The following FHL1 variants were observed in gnomAD, a reference collection of about 807,000 sequenced individuals.
FHL1 encodes four and a half LIM domains protein 1.
Under a neutral mutation model 20.3 loss-of-function variants are expected in FHL1, and 1 was observed. The observed-to-expected ratio is 0.05, with a 90% CI of 0.02 to 0.23. The LOEUF (loss-of-function observed/expected upper bound fraction) is 0.23. Ranked by LOEUF, FHL1 falls within the 10% of genes least tolerant of loss-of-function variation. The pLI, the probability that FHL1 is intolerant of heterozygous loss-of-function variation, is 1.00. For missense variants in FHL1, 177 were observed against 234.0 expected (o/e 0.76, Z 1.59); for synonymous variants, 82 against 88.9 (o/e 0.92, Z 0.44).
intron 2 of FHL1, among the ~76,000 whole-genome samples, chrX:136,171,447 C>A: frequency 9.0e-6 from 1 of 111,306 alleles, no homozygotes; most frequent in South Asian, 3.8e-4. Context: ...TTTTTATTTT[C>A]CCACAGAAGA....
At chrX:136,152,719 CAAAAA>C (rs768022110) in intron 1 of FHL1, among the ~76,000 whole-genome samples, 6 of 53,014 alleles carry the variant, frequency 1.1e-4, no homozygotes, top group African/African-American at 3.3e-4. Flanking sequence ...GACTCCATCT[CAAAAA>C]AAAAAAAAAA....
At chrX:136,178,611 AAAC>A (rs749289672) in intron 2 of FHL1, among the ~76,000 whole-genome samples, 1,400 of 110,919 alleles carry the variant, frequency 0.013, 13 homozygotes, top group African/African-American at 0.025. Flanking sequence ...CAAACAGACA[AAAC>A]AACAACAACA....
At chrX:136,164,557 C>T (rs1306482137) in intron 1 of FHL1, among the ~76,000 whole-genome samples, 2 of 110,699 alleles carry the variant, frequency 1.8e-5, no homozygotes, top group African/African-American at 6.6e-5. Flanking sequence ...TATATTTGTC[C>T]CTTTATGTTT....
Position 136,208,440 on chromosome X carries a change from C to A in FHL1, c.550-15C>A, listed in dbSNP as rs764137409. 9.9e-6 allele frequency: 12 copies of A among 1,209,388 alleles called. No individual in the cohort carries two copies. In the African/African-American group the frequency reaches 1.7e-4, roughly 18 times the overall value. ...GTTGTTGAATCTGAATCCGGTGCTA[C>A]ACTCCCTGGTCTAGGCCATCACATC... On this transcript the variant is annotated splice_polypyrimidine_tract_variant and intron_variant, in intron 4 of 5. Transcript: ENST00000370683.
chrX:136,154,440 A>G (rs916139848), intron 1 of FHL1, among the ~76,000 whole-genome samples: 2 of 112,582 alleles, frequency 1.8e-5, no homozygotes, highest in Non-Finnish European at 3.7e-5. Flanking sequence ...GCCAAGGCAT[A>G]TGAAGTATGC....
chrX:136,200,141 T>TAA (rs2073671157), intron 1 of FHL1, among the ~76,000 whole-genome samples: 1 of 112,214 alleles, frequency 8.9e-6, no homozygotes, highest in Non-Finnish European at 1.9e-5. Flanking sequence ...ATGTGTCTTT[T>TAA]GAAGCAGGCA....
intron 1 of FHL1, among the ~76,000 whole-genome samples, chrX:136,156,413 C>A (rs1436446781): frequency 9.1e-6 from 1 of 109,453 alleles, no homozygotes; most frequent in African/African-American, 3.3e-5. Context: ...TCCCAAGTAG[C>A]TGGGACTACA....
intron 1 of FHL1, chrX:136,147,830 C>G (rs1353887052): frequency 1.9e-5 from 2 of 107,392 alleles, no homozygotes; most frequent in African/African-American, 3.4e-5. Flanking sequence ...GGGGCCGTCC[C>G]GGGCTGCGGG....
intron 1 of FHL1, among the ~76,000 whole-genome samples, chrX:136,153,338 AG>A (rs2072326447): frequency 9.0e-6 from 1 of 110,753 alleles, no homozygotes; most frequent in African/African-American, 3.3e-5. Context: ...TCAATTGGAA[AG>A]GAATTTTAAC....
intron 2 of FHL1, among the ~76,000 whole-genome samples, chrX:136,184,456 A>T (rs1474030268): frequency 4.5e-5 from 5 of 112,133 alleles, no homozygotes; most frequent in Non-Finnish European, 9.4e-5. Context: ...TGCTTATTAT[A>T]CATTTATTAT....
At chrX:136,206,756 T>A (rs781307893) in intron 2 of FHL1, among the ~76,000 whole-genome samples, 168 bp downstream of exon 2, 1 of 113,439 alleles carries the variant, frequency 8.8e-6, no homozygotes, top group South Asian at 3.6e-4. Context: ...GCCCGAGCTG[T>A]TTAATGTGGG....
intron 1 of FHL1, among the ~76,000 whole-genome samples, chrX:136,150,871 C>T (rs1020772784): frequency 2.7e-5 from 3 of 112,190 alleles, no homozygotes; most frequent in African/African-American, 9.7e-5. Flanking sequence ...TTACATTCAG[C>T]TTTGTATTAC....
chrX:136,208,110 C>A, intron 4 of FHL1, 149 bp downstream of exon 4: 3 of 775,786 alleles, frequency 3.9e-6, no homozygotes, highest in Non-Finnish European at 5.7e-6. Flanking sequence ...ATGAGGAGAT[C>A]GTGGATTAGG....
intron 4 of FHL1, among the ~76,000 whole-genome samples, 162 bp from the exon 5 acceptor site, chrX:136,208,293 A>G (rs1245198075): frequency 8.9e-6 from 1 of 112,166 alleles, no homozygotes; most frequent in African/African-American, 3.2e-5. Context: ...TGGTGTCTTC[A>G]TCTGTAAAGT....
intron 1 of FHL1, among the ~76,000 whole-genome samples, chrX:136,162,579 T>C (rs2072601063): frequency 2.7e-5 from 3 of 111,693 alleles, no homozygotes; most frequent in Admixed American, 9.5e-5. Flanking sequence ...CCCAGGAGGC[T>C]GCAGTGAGCT....
intron 1 of FHL1, among the ~76,000 whole-genome samples, chrX:136,158,002 G>A (rs997272433): frequency 8.1e-5 from 9 of 111,800 alleles, no homozygotes; most frequent in East Asian, 2.8e-4. Flanking sequence ...ATTTTGCTTC[G>A]TACTTATTTG....
At chrX:136,169,838 T>A (rs767260280) in intron 1 of FHL1, 60 of 330,066 alleles carry the variant, frequency 1.8e-4, no homozygotes, top group Middle Eastern at 1.3e-3. Context: ...TTTATTTTTT[T>A]AGAATTCAGA....
chrX:136,148,169 C>T (rs1406484112), intron 1 of FHL1: 3 of 101,269 alleles, frequency 3.0e-5, no homozygotes, highest in Non-Finnish European at 4.0e-5. Flanking sequence ...CCTTGGTTTT[C>T]CCATCAAGGA....
Position 136,209,990 on chromosome X carries a change from C to G in FHL1, c.856C>G (p.Gln286Glu), listed in dbSNP as rs747922027. The G allele has an allele frequency of 2.5e-6, 3 of 1,208,982 alleles. No homozygotes were observed. The African/African-American group carries it at 5.3e-5, about 21-fold the overall frequency. The change falls in exon 6 of 6, where the codon CAA becomes GAA. Residue 286 changes from glutamine (Q) to glutamate (E), a missense_variant. Gln to Glu is a conservative substitution (Grantham distance 29). Transcript: ENST00000370683. ...ANKRFVFHQE[Q>E]VYCPDCAKKL ...CAAGCGCTTTGTTTTCCACCAGGAG[C>G]AAGTGTATTGTCCCGACTGTGCCAA...
Sources: allele counts gnomAD v4.1 joint callset (sites outside exome capture counted in the v4.1 genomes callset), GRCh38; gene constraint gnomAD v4.1.1; transcripts MANE v1.5; gene names NCBI Gene and HGNC (gene_info 2026-07-23, HGNC 2026-07-21).